SOAT1: variants seen among roughly 807,000 people sequenced by gnomAD.
SOAT1 encodes the protein sterol O-acyltransferase 1.
Under a neutral mutation model 69.5 loss-of-function variants are expected in SOAT1, and 55 were observed. That is an observed-to-expected ratio of 0.79 (90% CI 0.64 to 0.99). The LOEUF is 0.99. Ranked by LOEUF, SOAT1 falls within the 50% of genes least tolerant of loss-of-function variation. The pLI is 0.00. For synonymous variants in SOAT1, 231 were observed against 224.7 expected, an observed-to-expected ratio of 1.03 and a Z score of -0.25; for missense variants, 580 against 669.3, an observed-to-expected ratio of 0.87 and a Z score of 1.47.
chr1:179,323,047 T>C (rs1665661214), intron 2 of SOAT1, among the ~76,000 whole-genome samples: 2 of 147,188 alleles, frequency 1.4e-5, no homozygotes, highest in Non-Finnish European at 3.0e-5. Context: ...TTTTCTTTCT[T>C]TTTTTTTTTT....
chr1:179,331,018 G>A (rs1385310588), intron 3 of SOAT1, among the ~76,000 whole-genome samples: 1 of 152,120 alleles, frequency 6.6e-6, no homozygotes. Flanking sequence ...GCACTGATAG[G>A]GTTGACAAAT....
intron 12 of SOAT1, among the ~76,000 whole-genome samples, chr1:179,348,480 A>G (rs750466810): frequency 6.6e-6 from 1 of 152,140 alleles, no homozygotes; most frequent in Non-Finnish European, 1.5e-5. Flanking sequence ...TCATGACCAT[A>G]GAATTTTCTC....
rs905358945 is a variant in SOAT1, at chr1:179,310,261, A to C, written c.118+7459A>C. Among the ~76,000 whole-genome samples the C allele has an allele frequency of 4.6e-5, 3 of 65,108 alleles. No homozygotes were observed. In the Admixed American group the frequency reaches 7.7e-4, roughly 17 times the overall value. 42.7% of individuals were successfully genotyped at this position (65,108 alleles called of 152,430 possible). A position where few individuals can be genotyped will look rare whatever the true frequency, so the allele number is the denominator to read the frequency against. Reference sequence around the variant, plus strand: ...TCCAAGATTATGACAAAAAGAAAACATGACTTTTTTTTTTTTTTACTTTTG... The same window carrying C: ...TCCAAGATTATGACAAAAAGAAAACCTGACTTTTTTTTTTTTTTACTTTTG... On this transcript the variant is annotated intron_variant, in intron 2 of 15. Transcript: ENST00000367619.
At position 179,357,790 on chromosome 1, in the gene SOAT1, C is replaced by T. The variant is rs72717520; in HGVS notation, c.*4149C>T. ...ACGCCTGTAGTCTCAGCTACTCAGT[C>T]GGCTGAGGTGGGAAGATGGCTTCAA... On this transcript the variant is annotated 3_prime_UTR_variant, in exon 16 of 16. Transcript: ENST00000367619. The T allele has an allele frequency of 0.11, 17,391 of 152,146 alleles. 1,584 individuals are homozygous for T. Among genetic ancestry groups the T allele is most frequent in the African/African-American group, 0.25 (10,251 of 41,450 alleles). The allele number at this position is 152,146 out of a possible 1,614,324, so 9.4% of individuals were successfully genotyped here.
intron 10 of SOAT1, 56 bp downstream of exon 10, chr1:179,343,691 A>G: frequency 3.3e-6 from 4 of 1,218,666 alleles, no homozygotes; most frequent in Non-Finnish European, 4.7e-6. Context: ...ATTCATATTT[A>G]TGATAATAAT....
intron 3 of SOAT1, 37 bp downstream of exon 3, chr1:179,323,532 GT>G (rs1401418241): frequency 1.3e-6 from 2 of 1,551,124 alleles, no homozygotes; most frequent in Non-Finnish European, 1.8e-6. Flanking sequence ...AAAATGTAGA[GT>G]TTTAGATAGA....
chr1:179,319,214 G>T (rs1665504656), intron 2 of SOAT1, among the ~76,000 whole-genome samples: 1 of 141,822 alleles, frequency 7.1e-6, no homozygotes, highest in African/African-American at 2.6e-5. Flanking sequence ...GTGTCTTTTT[G>T]TGTGGTTATT....
chr1:179,350,255 A>G, intron 13 of SOAT1, 41 bp from the exon 14 acceptor site: 1 of 1,576,278 alleles, frequency 6.3e-7, no homozygotes, highest in Non-Finnish European at 8.7e-7. Flanking sequence ...CTTGCTTTAA[A>G]TTTTTAAAAA....
At chr1:179,334,343 T>C (rs1189024306) in intron 3 of SOAT1, among the ~76,000 whole-genome samples, 1 of 152,202 alleles carries the variant, frequency 6.6e-6, no homozygotes, top group Non-Finnish European at 1.5e-5. Context: ...TTATAGATTA[T>C]AGAAGTGTAA....
chr1:179,303,940 C>G (rs1558036459), intron 2 of SOAT1, among the ~76,000 whole-genome samples: 1 of 152,128 alleles, frequency 6.6e-6, no homozygotes, highest in Non-Finnish European at 1.5e-5. Flanking sequence ...CTTTCTGTCA[C>G]TGTATATGAT....
At chr1:179,324,455 A>G (rs749420267) in intron 3 of SOAT1, among the ~76,000 whole-genome samples, 7 of 152,216 alleles carry the variant, frequency 4.6e-5, no homozygotes, top group African/African-American at 7.2e-5. Context: ...TCCTCCTTCC[A>G]TCATCCTGTA....
intron 3 of SOAT1, 121 bp downstream of exon 3, chr1:179,323,616 C>A: frequency 1.3e-6 from 1 of 786,520 alleles, no homozygotes; most frequent in African/African-American, 1.7e-5. Context: ...TTGCTGTTAT[C>A]CTGTGGAACA....
At chr1:179,318,713 C>T (rs570618850) in intron 2 of SOAT1, among the ~76,000 whole-genome samples, 12 of 152,212 alleles carry the variant, frequency 7.9e-5, no homozygotes, top group South Asian at 2.1e-4. Context: ...TAGGATCATA[C>T]GATATGTAGT....
At chr1:179,303,355 AGTCCTTTGTTGTTAAGGTCAAG>A (rs1664899697) in intron 2 of SOAT1, among the ~76,000 whole-genome samples, 1 of 152,214 alleles carries the variant, frequency 6.6e-6, no homozygotes, top group Non-Finnish European at 1.5e-5. Context: ...GGAATACGAT[AGTCCTTTGTTGTTAAGGTCAAG>A]GTTTATGATT....
At chr1:179,324,833 G>A (rs1425442028) in intron 3 of SOAT1, among the ~76,000 whole-genome samples, 1 of 152,140 alleles carries the variant, frequency 6.6e-6, no homozygotes, top group African/African-American at 2.4e-5. Context: ...TTGAGACAGA[G>A]TCTCTGTCGC....
intron 6 of SOAT1, 84 bp from the exon 7 acceptor site, chr1:179,340,944 G>A: frequency 8.0e-7 from 1 of 1,248,842 alleles, no homozygotes; most frequent in African/African-American, 1.5e-5. Flanking sequence ...TGAAAGTTTG[G>A]TGTTTGAAAC....
intron 5 of SOAT1, among the ~76,000 whole-genome samples, chr1:179,339,150 AC>A (rs1341693131): frequency 1.3e-5 from 2 of 152,176 alleles, no homozygotes; most frequent in East Asian, 3.8e-4. Context: ...AATAGGTAGT[AC>A]TTAATATATA....
rs957708869 is a variant in SOAT1 at position 179,355,811 on chromosome 1, G to T, written c.*2170G>T. ...GCCTCCCAAAGTGCTGGGAAGACAG[G>T]CGTTAGCCACCGTGCCCGGCCTCTG... On this transcript the variant is annotated 3_prime_UTR_variant, in exon 16 of 16. Transcript: ENST00000367619. The T allele has an allele frequency of 1.3e-5, 2 of 152,274 alleles. No homozygotes were observed. The highest frequency in any genetic ancestry group is 4.8e-5 in the African/African-American group (2 of 41,448). The allele number at this position is 152,274 out of a possible 1,614,324, so 9.4% of individuals were successfully genotyped here.
Position 179,343,581 on chromosome 1 carries a change from C to G in SOAT1, c.942-9C>G, listed in dbSNP as rs368883982. On this transcript the variant is annotated splice_polypyrimidine_tract_variant and intron_variant, in intron 9 of 15. Coordinates refer to ENST00000367619, the MANE Select transcript of SOAT1 (RefSeq NM_003101.6). ...TTAGAAACCTTATTTTTGTTTCTTT[C>G]TTTTTCAGGAATCCCACTGTAAGAT... 2.5e-6 allele frequency: 4 copies of G among 1,605,512 alleles called. No individual in the cohort carries two copies. Among genetic ancestry groups the G allele is most frequent in the African/African-American group, 2.7e-5 (2 of 74,568 alleles).
Sources: allele counts gnomAD v4.1 joint callset (sites outside exome capture counted in the v4.1 genomes callset), GRCh38; gene constraint gnomAD v4.1.1; transcripts MANE v1.5; gene names NCBI Gene and HGNC (gene_info 2026-07-23, HGNC 2026-07-21).